FGF14: variants seen among roughly 807,000 people sequenced by gnomAD.
FGF14 encodes fibroblast growth factor homologous factor 4.
FGF14 carries 5 observed loss-of-function variants against 25.5 expected under a neutral mutation model. The ratio of observed to expected loss-of-function variants is 0.20; its 90% CI spans 0.10 to 0.41. The LOEUF (loss-of-function observed/expected upper bound fraction) is 0.41. Ranked by LOEUF, FGF14 falls within the 10% of genes least tolerant of loss-of-function variation. The pLI is 1.00. For missense variants in FGF14, 222 were observed against 320.1 expected, an observed-to-expected ratio of 0.69 and a Z score of 2.34; for synonymous variants, 138 against 118.3, an observed-to-expected ratio of 1.17 and a Z score of -1.08.
chr13:102,368,492 GA>G lies in FGF14; in HGVS notation c.208+32978del, dbSNP rs752940954. On this transcript the variant is annotated intron_variant, in intron 1 of 4. Coordinates refer to the FGF14 transcript ENST00000376131. ...TGGAATTATGACCACGGGGGGTTCA[GA>G]AGGTCTTTTTCCCCTCATCGGACCT... Among the ~76,000 whole-genome samples the G allele has an allele frequency of 6.6e-5, 10 of 152,304 alleles. No homozygotes were observed. The East Asian group carries it at 1.7e-3, about 26-fold the overall frequency.
At chr13:102,171,673 A>G (rs1344836773) in intron 1 of FGF14, among the ~76,000 whole-genome samples, 1 of 152,160 alleles carries the variant, frequency 6.6e-6, no homozygotes, top group Non-Finnish European at 1.5e-5. Flanking sequence ...ATGACAGTGC[A>G]TTCTTTTTTT....
At chr13:101,753,250 A>G (rs1049237632) in intron 3 of FGF14, among the ~76,000 whole-genome samples, 1 of 151,730 alleles carries the variant, frequency 6.6e-6, no homozygotes, top group East Asian at 2.0e-4. Flanking sequence ...ACCACATTCC[A>G]TATATTATAT....
rs187232874 is a variant in FGF14 at position 101,831,917 on chromosome 13, G to C, written c.408+36808C>G. Among the ~76,000 whole-genome samples the C allele has an allele frequency of 1.1e-3, 172 of 152,212 alleles. 3 individuals are homozygous for C. The highest frequency in any genetic ancestry group is 3.9e-3 in the African/African-American group (162 of 41,556). ...TAAGCTGCCAATATTGGGCGTGATA[G>C]TGTGTGATTGGGATTTAAAGTAGAA... On this transcript the variant is annotated intron_variant, in intron 3 of 4. Coordinates refer to ENST00000376143, the MANE Select transcript of FGF14 (RefSeq NM_004115.4).
At chr13:101,955,728 A>C (rs976888489) in intron 1 of FGF14, among the ~76,000 whole-genome samples, 1 of 152,228 alleles carries the variant, frequency 6.6e-6, no homozygotes, top group Admixed American at 6.5e-5. Context: ...CTATGGTAAC[A>C]TTTATGTTTC....
intron 1 of FGF14, among the ~76,000 whole-genome samples, chr13:101,916,039 C>T (rs1303854949): frequency 1.3e-5 from 2 of 152,212 alleles, no homozygotes; most frequent in African/African-American, 4.8e-5. Context: ...AGGCCAGGCC[C>T]ACCCCATGGA....
intron 3 of FGF14, among the ~76,000 whole-genome samples, chr13:101,825,349 T>C (rs576965567): frequency 5.0e-4 from 76 of 152,316 alleles, no homozygotes; most frequent in Admixed American, 1.2e-3. Context: ...TAAAGATTCT[T>C]GAGAGTATAC....
intron 1 of FGF14, among the ~76,000 whole-genome samples, chr13:102,100,532 A>G (rs981415010): frequency 4.6e-5 from 7 of 152,196 alleles, no homozygotes; most frequent in African/African-American, 1.7e-4. Context: ...AGTAACAGTG[A>G]TATCAGTGAC....
intron 1 of FGF14, among the ~76,000 whole-genome samples, chr13:101,940,049 C>A (rs2035345060): frequency 6.6e-6 from 1 of 152,166 alleles, no homozygotes; most frequent in African/African-American, 2.4e-5. Context: ...CCTTAACTGG[C>A]AAAATGGCCT....
intron 1 of FGF14, among the ~76,000 whole-genome samples, chr13:102,170,604 G>C (rs1456686552): frequency 6.6e-6 from 1 of 152,086 alleles, no homozygotes; most frequent in Non-Finnish European, 1.5e-5. Flanking sequence ...ACACAAGGCA[G>C]CTTTTGTGCT....
At chr13:102,220,722 C>T (rs2050574856) in intron 1 of FGF14, among the ~76,000 whole-genome samples, 1 of 152,226 alleles carries the variant, frequency 6.6e-6, no homozygotes, top group Non-Finnish European at 1.5e-5. Flanking sequence ...AGAGTCACTT[C>T]ACATGATGTC....
intron 1 of FGF14, among the ~76,000 whole-genome samples, chr13:102,273,326 G>T (rs976051230): frequency 3.9e-5 from 6 of 152,138 alleles, no homozygotes; most frequent in African/African-American, 1.4e-4. Flanking sequence ...AGCAGCATGG[G>T]ACAGAATTAA....
chr13:101,899,330 A>G (rs2031204452), intron 1 of FGF14, among the ~76,000 whole-genome samples: 1 of 152,080 alleles, frequency 6.6e-6, no homozygotes, highest in Non-Finnish European at 1.5e-5. Flanking sequence ...TAAAAAAATA[A>G]ATACATATAG....
At chr13:102,028,864 C>G (rs2041069077) in intron 1 of FGF14, among the ~76,000 whole-genome samples, 1 of 152,058 alleles carries the variant, frequency 6.6e-6, no homozygotes, top group Admixed American at 6.6e-5. Flanking sequence ...GACTGTTAAT[C>G]TTGTGTATGG....
chr13:101,711,395 A>G lies in FGF14; in HGVS notation c.*11436T>C, dbSNP rs2034460630. On this transcript the variant is annotated 3_prime_UTR_variant, in exon 5 of 5. Transcript: ENST00000376143. Reference sequence around the variant, plus strand: ...CACTCACCCACCCACAACCTGTCCCACATCCCCAGAAAAGAGAAAGAGTGA... The same window carrying G: ...CACTCACCCACCCACAACCTGTCCCGCATCCCCAGAAAAGAGAAAGAGTGA... 1 of 152,356 alleles carries G rather than the reference A, an allele frequency of 6.6e-6. No individual in the cohort carries two copies. Among genetic ancestry groups the G allele is most frequent in the Admixed American group, 6.5e-5 (1 of 15,274 alleles). The allele number at this position is 152,356 out of a possible 1,614,324, so 9.4% of individuals were successfully genotyped here.
intron 1 of FGF14, among the ~76,000 whole-genome samples, chr13:101,973,823 A>C (rs6491659): frequency 0.015 from 2,295 of 152,276 alleles, 62 homozygotes; most frequent in African/African-American, 0.052. Flanking sequence ...CAGGATCAAT[A>C]CTTTGTATCT....
intron 1 of FGF14, among the ~76,000 whole-genome samples, chr13:102,376,148 G>A (rs572325109): frequency 6.6e-6 from 1 of 152,240 alleles, no homozygotes; most frequent in East Asian, 1.9e-4. Flanking sequence ...TGTGTCAAGG[G>A]CAGAACCAGG....
chr13:101,804,460 C>T (rs2041085118), intron 3 of FGF14, among the ~76,000 whole-genome samples: 1 of 152,098 alleles, frequency 6.6e-6, no homozygotes, highest in African/African-American at 2.4e-5. Flanking sequence ...AGATAGTCCC[C>T]CACACAAGAA....
chr13:101,754,066 G>T (rs1406115119), intron 3 of FGF14, among the ~76,000 whole-genome samples: 4 of 152,088 alleles, frequency 2.6e-5, no homozygotes, highest in Non-Finnish European at 5.9e-5. Flanking sequence ...TTGCCTTTTC[G>T]TGCTAGCTAG....
chr13:102,320,737 C>T (rs917364773), intron 1 of FGF14, among the ~76,000 whole-genome samples: 2 of 152,188 alleles, frequency 1.3e-5, no homozygotes, highest in East Asian at 3.9e-4. Flanking sequence ...TACTCACCTA[C>T]ATATTCCCTT....
Sources: gnomAD v4.1 joint callset for allele counts (sites outside exome capture counted in the v4.1 genomes callset) on GRCh38, gnomAD v4.1.1 for gene constraint, MANE v1.5 for transcripts, NCBI Gene and HGNC (gene_info 2026-07-23, HGNC 2026-07-21) for gene names.